Variants in TNFRSF10A observed in about 807,000 individuals in gnomAD.
The protein encoded by TNFRSF10A is TNF receptor superfamily member 10a, also known as tumor necrosis factor receptor superfamily member 10A.
In TNFRSF10A, 44 loss-of-function variants were observed where a neutral mutation model predicts 42.8. The observed-to-expected ratio is 1.03, with a 90% CI of 0.81 to 1.32. TNFRSF10A has a LOEUF of 1.32. Ranked by LOEUF, TNFRSF10A falls within the 40% of genes most tolerant of loss-of-function variation. The pLI is 0.00. For missense variants in TNFRSF10A, 680 were observed against 602.0 expected, an observed-to-expected ratio of 1.13 and a Z score of -1.36; for synonymous variants, 259 against 234.2, an observed-to-expected ratio of 1.11 and a Z score of -0.97.
intron 8 of TNFRSF10A, among the ~76,000 whole-genome samples, 156 bp downstream of exon 8, chr8:23,199,110 C>T (rs903283261): frequency 5.3e-5 from 8 of 152,148 alleles, no homozygotes; most frequent in Admixed American, 2.0e-4. Flanking sequence ...TGGAAGAGTG[C>T]CTGTCCCCTT....
chr8:23,210,085 C>G (rs1801072242), intron 2 of TNFRSF10A, among the ~76,000 whole-genome samples: 1 of 152,178 alleles, frequency 6.6e-6, no homozygotes, highest in Non-Finnish European at 1.5e-5. Flanking sequence ...TTTTCCTGTA[C>G]AAGCTCTTTG....
At chr8:23,203,774 A>G (rs1800968626) in intron 2 of TNFRSF10A, among the ~76,000 whole-genome samples, 1 of 151,096 alleles carries the variant, frequency 6.6e-6, no homozygotes, top group Non-Finnish European at 1.5e-5. Context: ...CTGAAAAATA[A>G]TAAAGGCTTT....
rs1012554030 is a variant in TNFRSF10A, at chr8:23,217,217, AT to A, written c.307-5006del. Reference sequence around the variant, plus strand: ...GATTATTATGCCTTCTGATGAATTCATTTTTTTTTTCTTTTTTGAGACGGAG... The same window carrying A: ...GATTATTATGCCTTCTGATGAATTCATTTTTTTTTCTTTTTTGAGACGGAG... On this transcript the variant is annotated intron_variant, in intron 1 of 9. Transcript: ENST00000221132. 6.0e-3 allele frequency among the ~76,000 whole-genome samples: 895 copies of A among 149,546 alleles called. 3 individuals carry two copies. The highest frequency in any genetic ancestry group is 8.2e-3 in the Non-Finnish European group (554 of 67,236).
At chr8:23,213,001 C>T (rs1384285138) in intron 1 of TNFRSF10A, among the ~76,000 whole-genome samples, 2 of 152,290 alleles carry the variant, frequency 1.3e-5, no homozygotes, top group Non-Finnish European at 1.5e-5. Flanking sequence ...GTTTGGTAGA[C>T]GTCATCATTG....
Position 23,225,014 on chromosome 8 carries a change from C to T in TNFRSF10A, c.48G>A (p.Val16=), listed in dbSNP as rs200751584. 2 of 1,585,112 alleles carry T rather than the reference C, an allele frequency of 1.3e-6. No individual in the cohort carries two copies. Among genetic ancestry groups the T allele is most frequent in the Admixed American group, 3.5e-5 (2 of 57,398 alleles). ...ARVHLGAFLA[V]TPNPGSAASG... ...TCGCTGCGCTCCCGGGATTCGGAGT[C>T]ACTGCCAGGAACGCACCTAGATGTA... is the stretch of plus-strand genomic sequence containing the variant. The change falls in exon 1 of 10, where the codon GTG becomes GTA. Residue 16 remains valine, a synonymous_variant. Coordinates refer to ENST00000221132, the MANE Select transcript of TNFRSF10A (RefSeq NM_003844.4).
chr8:23,209,184 T>G (rs940787821), intron 2 of TNFRSF10A, among the ~76,000 whole-genome samples: 1 of 152,220 alleles, frequency 6.6e-6, no homozygotes, highest in Admixed American at 6.5e-5. Flanking sequence ...AAGTCAAGAA[T>G]TGAGGTTTGG....
At chr8:23,219,761 CA>C (rs1191761933) in intron 1 of TNFRSF10A, among the ~76,000 whole-genome samples, 72 of 152,374 alleles carry the variant, frequency 4.7e-4, no homozygotes, top group Non-Finnish European at 7.3e-5. Context: ...TCCCTCCACC[CA>C]GTGCTGAGAC....
chr8:23,205,353 T>C (rs1341846003), intron 2 of TNFRSF10A, among the ~76,000 whole-genome samples: 1 of 152,182 alleles, frequency 6.6e-6, no homozygotes, highest in African/African-American at 2.4e-5. Context: ...CAGGTGTTTG[T>C]GGTAATGCTG....
chr8:23,210,999 A>G (rs539299424), intron 2 of TNFRSF10A, among the ~76,000 whole-genome samples: 1 of 152,354 alleles, frequency 6.6e-6, no homozygotes, highest in East Asian at 1.9e-4. Context: ...ATGTTCTCCA[A>G]AAAAGATATC....
chr8:23,195,071 A>G (rs1800803513), intron 9 of TNFRSF10A, among the ~76,000 whole-genome samples: 1 of 152,210 alleles, frequency 6.6e-6, no homozygotes, highest in African/African-American at 2.4e-5. Context: ...AGGCGTGAGA[A>G]TTGCTAGAAC....
At chr8:23,200,898 G>A (rs1800904066) in intron 4 of TNFRSF10A, 138 bp from the exon 5 acceptor site, 1 of 815,862 alleles carries the variant, frequency 1.2e-6, no homozygotes, top group Non-Finnish European at 2.1e-6. Context: ...TCTGCAGGGG[G>A]TCCCCCTATG....
chr8:23,210,147 G>C (rs1207947986), intron 2 of TNFRSF10A, among the ~76,000 whole-genome samples: 4 of 152,170 alleles, frequency 2.6e-5, no homozygotes, highest in African/African-American at 9.7e-5. Flanking sequence ...CTTCTGCCAT[G>C]ATTGTGAGGC....
intron 2 of TNFRSF10A, among the ~76,000 whole-genome samples, chr8:23,210,555 G>A (rs201492615): frequency 1.4e-3 from 208 of 152,228 alleles, no homozygotes; most frequent in African/African-American, 4.7e-3. Flanking sequence ...GGTGGCAGGC[G>A]CCTGTAGTCC....
At chr8:23,212,269 G>A in intron 1 of TNFRSF10A, 57 bp from the exon 2 acceptor site, 1 of 1,450,886 alleles carries the variant, frequency 6.9e-7, no homozygotes. Flanking sequence ...CCCATTACAA[G>A]ATCAATCTCA....
chr8:23,200,074 T>A (rs140023178), intron 6 of TNFRSF10A, among the ~76,000 whole-genome samples, 157 bp from the exon 7 acceptor site: 10 of 152,088 alleles, frequency 6.6e-5, no homozygotes, highest in African/African-American at 2.4e-4. Context: ...ACTCGGGAGA[T>A]CCTTCAGGAG....
At chr8:23,198,457 A>T (rs554890148) in intron 8 of TNFRSF10A, among the ~76,000 whole-genome samples, 19 of 152,332 alleles carry the variant, frequency 1.2e-4, no homozygotes, top group South Asian at 2.1e-4. Flanking sequence ...AAAAGGGGCA[A>T]GAAGAAATTA....
At chr8:23,215,349 C>A (rs545944407) in intron 1 of TNFRSF10A, among the ~76,000 whole-genome samples, 5 of 151,950 alleles carry the variant, frequency 3.3e-5, no homozygotes, top group Non-Finnish European at 7.4e-5. Flanking sequence ...AACCCCGTCT[C>A]TACTAAAAAT....
Position 23,202,672 on chromosome 8 carries a change from G to A in TNFRSF10A, c.493C>T (p.Leu165Phe). ...TNASNNLFAC[L>F]PCTACKSDEE... ...CCTGATTTACAAGCTGTACATGGGA[G>A]GCAAGCAAACAAATTGTTGGAAGCA... Residue 165 changes from leucine (L) to phenylalanine (F), a missense_variant, in exon 3 of 10, where the codon CTC becomes TTC. Coordinates refer to ENST00000221132, the MANE Select transcript of TNFRSF10A (RefSeq NM_003844.4). 6.2e-7 allele frequency: 1 copy of A among 1,613,912 alleles called. No homozygotes were observed. The highest frequency in any genetic ancestry group is 8.5e-7 in the Non-Finnish European group (1 of 1,179,874).
chr8:23,210,378 C>A (rs6557637), intron 2 of TNFRSF10A, among the ~76,000 whole-genome samples: 141,612 of 152,254 alleles, frequency 0.93, 66,802 homozygotes, highest in East Asian at 1. Flanking sequence ...GTTGAATCCA[C>A]AAGCATACAA....
Sources: gnomAD v4.1 joint callset for allele counts (sites outside exome capture counted in the v4.1 genomes callset) on GRCh38, gnomAD v4.1.1 for gene constraint, MANE v1.5 for transcripts, NCBI Gene and HGNC (gene_info 2026-07-23, HGNC 2026-07-21) for gene names.